The following MRPS5 variants were observed in gnomAD, a reference collection of about 807,000 sequenced individuals.
MRPS5 encodes small ribosomal subunit protein uS5m.
Under a neutral mutation model 51.9 loss-of-function variants are expected in MRPS5, and 27 were observed. The observed-to-expected ratio is 0.52, with a 90% CI of 0.38 to 0.72. The LOEUF is 0.72. Among genes scored for constraint, MRPS5 ranks in the 30% least tolerant of loss-of-function variants. MRPS5 has a pLI of 0.00. For synonymous variants in MRPS5, 196 were observed against 193.2 expected (o/e 1.01, Z -0.12); for missense variants, 570 against 545.7 (o/e 1.04, Z -0.44).
intron 6 of MRPS5, 54 bp downstream of exon 6, chr2:95,106,369 A>ACC: frequency 5.9e-6 from 3 of 511,774 alleles, no homozygotes; most frequent in Admixed American, 2.4e-5. Flanking sequence ...TCCCTGCCCC[A>ACC]CCCACCCCAA....
intron 1 of MRPS5, 55 bp from the exon 2 acceptor site, chr2:95,118,000 T>G: frequency 7.5e-7 from 1 of 1,338,574 alleles, no homozygotes; most frequent in South Asian, 1.3e-5. Context: ...AAGGAACATT[T>G]TAAACAGTAA....
Position 95,090,594 on chromosome 2 carries a change from G to T in MRPS5, c.932-72C>A, listed in dbSNP as rs568454163. On this transcript the variant is annotated intron_variant, in intron 10 of 11. Transcript: ENST00000272418. ...CGGAGGAGTCACCCTGCTGGCTTTC[G>T]CATGGCTTCAGGCTCTGGGCTTCGG... 92 of 1,585,904 alleles carry T rather than the reference G, an allele frequency of 5.8e-5. No individual in the cohort carries two copies. In the Middle Eastern group the frequency reaches 6.7e-4, roughly 12 times the overall value.
Position 95,104,788 on chromosome 2 carries a change from T to C in MRPS5, c.673-58A>G, listed in dbSNP as rs1314777938. Reference sequence around the variant, plus strand: ...ATTAAGAAAATCTGAAGGAGGGAACTGGAGGGAGCCGCCTTCCTTGCAGGC... The same window carrying C: ...ATTAAGAAAATCTGAAGGAGGGAACCGGAGGGAGCCGCCTTCCTTGCAGGC... On this transcript the variant is annotated intron_variant, in intron 6 of 11. Coordinates refer to ENST00000272418, the MANE Select transcript of MRPS5 (RefSeq NM_031902.5). The C allele has an allele frequency of 1.0e-5, 16 of 1,525,762 alleles. No homozygotes were observed. In the East Asian group the frequency reaches 2.5e-4, roughly 24 times the overall value. 94.5% of individuals were successfully genotyped at this position (1,525,762 alleles called of 1,614,324 possible).
chr2:95,112,935 G>A (rs1033696194), intron 3 of MRPS5, among the ~76,000 whole-genome samples: 8 of 151,960 alleles, frequency 5.3e-5, no homozygotes, highest in African/African-American at 9.7e-5. Flanking sequence ...AACCCAGGAG[G>A]TGGAGCTTGC....
Position 95,086,204 on chromosome 2 carries a change from G to GCCA in MRPS5, c.*1150_*1152dup, listed in dbSNP as rs1338311725. On this transcript the variant is annotated 3_prime_UTR_variant, in exon 12 of 12. Coordinates refer to ENST00000272418, the MANE Select transcript of MRPS5 (RefSeq NM_031902.5). ...CAAAGTGCTGGGGTTATAGGCGTGA[G>GCCA]CCACCACACCTACCTGATGACAAAG... 5.3e-5 allele frequency among the ~76,000 whole-genome samples: 8 copies of GCCA among 152,062 alleles called. No individual in the cohort carries two copies. The highest frequency in any genetic ancestry group is 1.7e-4 in the African/African-American group (7 of 41,380).
chr2:95,109,680 T>C (rs1403534772), intron 4 of MRPS5, among the ~76,000 whole-genome samples: 1 of 152,250 alleles, frequency 6.6e-6, no homozygotes, highest in Admixed American at 6.5e-5. Flanking sequence ...GGCACTATTA[T>C]AGGAGATGAC....
At chr2:95,104,460 C>A in intron 7 of MRPS5, 180 bp downstream of exon 7, 1 of 667,456 alleles carries the variant, frequency 1.5e-6, no homozygotes, top group Non-Finnish European at 2.7e-6. Flanking sequence ...TCTATTCTCT[C>A]TTTTCTCTCT....
intron 1 of MRPS5, among the ~76,000 whole-genome samples, chr2:95,120,862 C>T (rs956799903): frequency 6.6e-6 from 1 of 152,208 alleles, no homozygotes; most frequent in East Asian, 1.9e-4. Flanking sequence ...TGGCTCACAC[C>T]TGTACTCCCA....
At chr2:95,110,268 A>G (rs1028888483) in intron 3 of MRPS5, among the ~76,000 whole-genome samples, 1 of 152,132 alleles carries the variant, frequency 6.6e-6, no homozygotes, top group Admixed American at 6.5e-5. Context: ...CTCTCACTAA[A>G]TATTTTATTT....
At position 95,086,615 on chromosome 2, in the gene MRPS5, AAG is replaced by A. The variant is rs1398715764; in HGVS notation, c.*740_*741del. Among the ~76,000 whole-genome samples the A allele has an allele frequency of 6.6e-6, 1 of 152,222 alleles. No homozygotes were observed. Among genetic ancestry groups the A allele is most frequent in the East Asian group, 1.9e-4 (1 of 5,206 alleles). ...AGAAAGAGGATGTGGGTGGGGCAGAAAGAGTATGCAAAGAAATAAAAATATAT... is the reference window on the plus strand; with the variant it reads ...AGAAAGAGGATGTGGGTGGGGCAGAAAGTATGCAAAGAAATAAAAATATAT... On this transcript the variant is annotated 3_prime_UTR_variant, in exon 12 of 12. Transcript: ENST00000272418.
At chr2:95,116,024 G>C (rs974450569) in intron 2 of MRPS5, among the ~76,000 whole-genome samples, 2 of 151,386 alleles carry the variant, frequency 1.3e-5, no homozygotes, top group African/African-American at 2.4e-5. Context: ...TCCTGCCTCA[G>C]CCTCCCAAGT....
intron 4 of MRPS5, among the ~76,000 whole-genome samples, chr2:95,109,682 G>A (rs1470561099): frequency 6.6e-6 from 1 of 152,152 alleles, no homozygotes; most frequent in Non-Finnish European, 1.5e-5. Context: ...CACTATTATA[G>A]GAGATGACAC....
At chr2:95,089,145 A>T (rs561710891) in intron 11 of MRPS5, among the ~76,000 whole-genome samples, 3 of 152,266 alleles carry the variant, frequency 2.0e-5, no homozygotes, top group African/African-American at 7.2e-5. Flanking sequence ...ATCTAAAATC[A>T]ACATCTTAAT....
rs1036951560 is a variant in MRPS5 at position 95,085,643 on chromosome 2, C to A, written c.*1714G>T. Among the ~76,000 whole-genome samples the A allele has an allele frequency of 1.3e-5, 2 of 152,130 alleles. No homozygotes were observed. The highest frequency in any genetic ancestry group is 4.8e-5 in the African/African-American group (2 of 41,440). Reference sequence around the variant, plus strand: ...CCTCCTACTTCCAGCAGAAAGGCCTCAGCAGAGGTCCCGAGGACAGCGACA... The same window carrying A: ...CCTCCTACTTCCAGCAGAAAGGCCTAAGCAGAGGTCCCGAGGACAGCGACA... On this transcript the variant is annotated 3_prime_UTR_variant, in exon 12 of 12. Coordinates refer to ENST00000272418, the MANE Select transcript of MRPS5 (RefSeq NM_031902.5).
chr2:95,088,120 T>C (rs568236931), intron 11 of MRPS5, among the ~76,000 whole-genome samples: 4 of 151,698 alleles, frequency 2.6e-5, no homozygotes, highest in Non-Finnish European at 5.9e-5. Context: ...TCAAACACAT[T>C]GTGTAAAAAA....
Position 95,104,028 on chromosome 2 carries a change from T to C in MRPS5, c.763+612A>G, listed in dbSNP as rs1448925163. 5.9e-5 allele frequency: 9 copies of C among 152,736 alleles called. No individual in the cohort carries two copies. The East Asian group carries it at 1.7e-3, about 29-fold the overall frequency. 9.5% of individuals were successfully genotyped at this position (152,736 alleles called of 1,614,324 possible). A position where few individuals can be genotyped will look rare whatever the true frequency, so the allele number is the denominator to read the frequency against. On this transcript the variant is annotated intron_variant, in intron 7 of 11. Coordinates refer to ENST00000272418, the MANE Select transcript of MRPS5 (RefSeq NM_031902.5). ...CTGTGTTCTTTTCCTTCAACAGACA[T>C]GAATACATTTCAAAAACAGGTGTCC...
rs757080917 is a variant in MRPS5 at position 95,104,520 on chromosome 2, AG to A, written c.763+119del. The A allele has an allele frequency of 7.1e-5, 71 of 998,748 alleles. No individual in the cohort carries two copies. The South Asian group carries it at 8.9e-4, about 12-fold the overall frequency. The allele number at this position is 998,748 out of a possible 1,614,324, so 61.9% of individuals were successfully genotyped here. On this transcript the variant is annotated intron_variant, in intron 7 of 11. Transcript: ENST00000272418. ...AGCTTTGTGAACCCAAACCACTAAA[AG>A]GTTTAATCAATGGAAAAAGTCCGGC...
intron 8 of MRPS5, 68 bp from the exon 9 acceptor site, chr2:95,100,962 C>T (rs1675782339): frequency 5.2e-6 from 7 of 1,340,830 alleles, no homozygotes; most frequent in African/African-American, 4.4e-5. Flanking sequence ...TCCAAAAACA[C>T]TTTTAATAAA....
chr2:95,099,658 G>A (rs1675740217), intron 10 of MRPS5, among the ~76,000 whole-genome samples: 1 of 152,144 alleles, frequency 6.6e-6, no homozygotes, highest in Non-Finnish European at 1.5e-5. Flanking sequence ...CTTTTCTAAA[G>A]ACAAAACACA....
Sources: gnomAD v4.1 joint callset for allele counts (sites outside exome capture counted in the v4.1 genomes callset) on GRCh38, gnomAD v4.1.1 for gene constraint, MANE v1.5 for transcripts, NCBI Gene and HGNC (gene_info 2026-07-23, HGNC 2026-07-21) for gene names.